The following FAM20A variants were observed in gnomAD, a reference collection of about 807,000 sequenced individuals.
FAM20A encodes FAM20A golgi associated secretory pathway pseudokinase, also known as pseudokinase FAM20A.
FAM20A carries 42 observed loss-of-function variants against 52.0 expected under a neutral mutation model. The ratio of observed to expected loss-of-function variants is 0.81; its 90% CI spans 0.63 to 1.04. FAM20A has a LOEUF of 1.04. Among genes scored for constraint, FAM20A ranks in the 50% least tolerant of loss-of-function variants. FAM20A has a pLI of 0.00. For synonymous variants in FAM20A, 304 were observed against 298.9 expected (o/e 1.02, Z -0.18); for missense variants, 742 against 712.7 (o/e 1.04, Z -0.47).
In FAM20A at chr17:68,575,830, ACAT is replaced by A. The variant is rs1435580178; in HGVS notation, c.405-20090_405-20088del. 3.5e-5 allele frequency among the ~76,000 whole-genome samples: 5 copies of A among 142,326 alleles called. No individual in the cohort carries two copies. In the South Asian group the frequency reaches 1.2e-3, roughly 34 times the overall value. The allele number at this position is 142,326 out of a possible 152,430, so 93.4% of individuals were successfully genotyped here. On this transcript the variant is annotated intron_variant, in intron 1 of 10. Transcript: ENST00000592554. ...CACACACACACACACACACACACAC[ACAT>A]AATCAGCCATTGGCAGTTACAGCTG...
At chr17:68,541,678 C>T (rs574962230) in intron 7 of FAM20A, 6 of 277,638 alleles carry the variant, frequency 2.2e-5, no homozygotes, top group South Asian at 2.1e-4. Context: ...GCTGTGTTTT[C>T]GTGATCTGGC....
In FAM20A at chr17:68,600,624, G is replaced by A. The variant is rs372862593; in HGVS notation, c.43C>T (p.Leu15=). The A allele has an allele frequency of 2.3e-4, 365 of 1,561,486 alleles. No homozygotes were observed. Among genetic ancestry groups the A allele is most frequent in the Non-Finnish European group, 2.8e-4 (320 of 1,158,552 alleles). ...AGGTCGGCGGAGAGCAGCGCGCCCA[G>A]CAGCAGCAGAGTCAGTAGGCGGTCC... ...RRDRLLTLLL[L]GALLSADLYF... The change falls in exon 1 of 11, where the codon CTG becomes TTG. Residue 15 remains leucine (L), a synonymous_variant. Transcript: ENST00000592554. The surrounding 1 kb of genome is among the most constrained non-coding windows in gnomAD (Gnocchi z 6.2).
At chr17:68,571,968 A>G (rs1462528255) in intron 1 of FAM20A, among the ~76,000 whole-genome samples, 3 of 127,428 alleles carry the variant, frequency 2.4e-5, no homozygotes, top group South Asian at 3.4e-4. Flanking sequence ...GTGTATATAT[A>G]TGTGTGTGTA....
chr17:68,572,020 A>ATATC lies in FAM20A; in HGVS notation c.405-16278_405-16277insGATA, dbSNP rs1568762596. ...TATATATATATATATATATATATATATATATATATATATATATATATGTAG... is the reference window on the plus strand; with the variant it reads ...TATATATATATATATATATATATATATATCTATATATATATATATATATATGTAG... On this transcript the variant is annotated intron_variant, in intron 1 of 10. Transcript: ENST00000592554. 5.7e-4 allele frequency among the ~76,000 whole-genome samples: 65 copies of ATATC among 113,354 alleles called. 2 individuals are homozygous for ATATC. The highest frequency in any genetic ancestry group is 2.3e-3 in the African/African-American group (65 of 28,648). 74.4% of individuals were successfully genotyped at this position (113,354 alleles called of 152,430 possible). A position where few individuals can be genotyped will look rare whatever the true frequency, so the allele number is the denominator to read the frequency against.
At chr17:68,554,739 G>C (rs1462245115) in intron 3 of FAM20A, 38 bp downstream of exon 3, 7 of 1,601,526 alleles carry the variant, frequency 4.4e-6, no homozygotes, top group Non-Finnish European at 6.0e-6. Context: ...AGCTGTGAGG[G>C]TGAAGAGGCT....
At position 68,536,462 on chromosome 17, in the gene FAM20A, CCTA is replaced by C. The variant is rs1320677617; in HGVS notation, c.*1012_*1014del. 2.2e-6 allele frequency: 1 copy of C among 454,040 alleles called. No homozygotes were observed. The highest frequency in any genetic ancestry group is 1.6e-5 in the South Asian group (1 of 64,462). The allele number at this position is 454,040 out of a possible 1,614,324, so 28.1% of individuals were successfully genotyped here. A position where few individuals can be genotyped will look rare whatever the true frequency, so the allele number is the denominator to read the frequency against. On this transcript the variant is annotated 3_prime_UTR_variant, in exon 11 of 11. Coordinates refer to ENST00000592554, the MANE Select transcript of FAM20A (RefSeq NM_017565.4). The stretch of plus-strand genomic sequence containing the variant: ...GAGAAGGTAGAGGAGACAAGGAATC[CCTA>C]CTACACTTTCTTCTAAGGGAGGCTT...
intron 5 of FAM20A, 114 bp from the exon 6 acceptor site, chr17:68,542,923 C>T: frequency 1.3e-6 from 1 of 799,858 alleles, no homozygotes; most frequent in East Asian, 2.6e-5. Context: ...AGGAGGGTGG[C>T]CGGTGAGGCG....
In FAM20A at chr17:68,537,844, G is replaced by T. The variant is rs1399929102; in HGVS notation, c.1362-103C>A. The stretch of plus-strand genomic sequence containing the variant: ...AGCTGTTGTAGCTGATACTCTTGGC[G>T]CCTCTCCTTGTGTCTTCTCAGGCAC... On this transcript the variant is annotated intron_variant, in intron 10 of 10. Transcript: ENST00000592554. This position sits in a 1 kb window ranked among gnomAD's most constrained non-coding sequence, Gnocchi z 4.2. 2.3e-6 allele frequency: 3 copies of T among 1,295,032 alleles called. No individual in the cohort carries two copies. Among genetic ancestry groups the T allele is most frequent in the Non-Finnish European group, 3.2e-6 (3 of 924,798 alleles). 80.2% of individuals were successfully genotyped at this position (1,295,032 alleles called of 1,614,324 possible).
At chr17:68,595,543 G>C (rs1402168810) in intron 1 of FAM20A, among the ~76,000 whole-genome samples, 1 of 152,194 alleles carries the variant, frequency 6.6e-6, no homozygotes, top group East Asian at 1.9e-4. Flanking sequence ...GGAGAAATGG[G>C]AAATGGAAGT....
chr17:68,569,308 C>T (rs1198519304), intron 1 of FAM20A, among the ~76,000 whole-genome samples: 1 of 152,140 alleles, frequency 6.6e-6, no homozygotes. Context: ...TCTGTCCACC[C>T]CTCTTCTCTA....
At position 68,600,857 on chromosome 17, in the gene FAM20A, A is replaced by C. The variant is rs2088605969; in HGVS notation, c.-191T>G. ...GCTCCTCAACTTGGGGACCAGGTGC[A>C]CGGAGCACCGGGGCTCTCGGAGTCA... is the stretch of plus-strand genomic sequence containing the variant. On this transcript the variant is annotated 5_prime_UTR_variant, in exon 1 of 11. Coordinates refer to ENST00000592554, the MANE Select transcript of FAM20A (RefSeq NM_017565.4). The surrounding 1 kb of genome is among the most constrained non-coding windows in gnomAD (Gnocchi z 6.2). 6 of 582,874 alleles carry C rather than the reference A, an allele frequency of 1.0e-5. 1 individual carries two copies. The South Asian group carries it at 1.4e-4, about 13-fold the overall frequency. The allele number at this position is 582,874 out of a possible 1,614,324, so 36.1% of individuals were successfully genotyped here. A position where few individuals can be genotyped will look rare whatever the true frequency, so the allele number is the denominator to read the frequency against.
intron 1 of FAM20A, among the ~76,000 whole-genome samples, chr17:68,579,288 T>C (rs1282860352): frequency 6.6e-6 from 1 of 152,206 alleles, no homozygotes; most frequent in South Asian, 2.1e-4. Context: ...TTGAACTTGA[T>C]GCAGAACCAA....
chr17:68,554,953 G>T (rs2087012333), intron 2 of FAM20A, 126 bp from the exon 3 acceptor site: 1 of 958,622 alleles, frequency 1.0e-6, no homozygotes, highest in Non-Finnish European at 1.7e-6. Flanking sequence ...TGGGGCCCTT[G>T]ACCACTCCGT....
chr17:68,559,004 C>A (rs554576172), intron 1 of FAM20A, among the ~76,000 whole-genome samples: 1 of 152,142 alleles, frequency 6.6e-6, no homozygotes, highest in Admixed American at 6.5e-5. Context: ...GTGATCCGCC[C>A]GCCTTGACCA....
chr17:68,547,284 T>A (rs1352657383), intron 4 of FAM20A, among the ~76,000 whole-genome samples: 1 of 152,198 alleles, frequency 6.6e-6, no homozygotes, highest in Non-Finnish European at 1.5e-5. Context: ...ATTATTTTTT[T>A]ATTATACTTT....
intron 3 of FAM20A, among the ~76,000 whole-genome samples, chr17:68,554,109 C>T (rs1036223257): frequency 3.5e-5 from 5 of 144,792 alleles, no homozygotes; most frequent in African/African-American, 1.4e-4. Context: ...TATATATACA[C>T]ATATATGTAT....
chr17:68,555,828 C>T lies in FAM20A; in HGVS notation c.405-85G>A, dbSNP rs1243339797. 2.8e-6 allele frequency: 4 copies of T among 1,450,246 alleles called. No homozygotes were observed. In the East Asian group the frequency reaches 9.1e-5, roughly 33 times the overall value. 89.8% of individuals were successfully genotyped at this position (1,450,246 alleles called of 1,614,324 possible). ...CCTTGTCTGCAGTTTTTTATTCATC[C>T]TTTCATTTATTCCACAAGTGTATTA... On this transcript the variant is annotated intron_variant, in intron 1 of 10. Transcript: ENST00000592554.
At chr17:68,543,591 C>G (rs759648622) in intron 5 of FAM20A, 38 bp downstream of exon 5, 8 of 1,585,638 alleles carry the variant, frequency 5.0e-6, no homozygotes, top group Non-Finnish European at 6.9e-6. Context: ...AGGATTGGTC[C>G]TTATAGGCAA....
intron 1 of FAM20A, among the ~76,000 whole-genome samples, chr17:68,584,118 AC>A (rs1391276367): frequency 1.3e-5 from 2 of 151,888 alleles, no homozygotes; most frequent in Non-Finnish European, 2.9e-5. Flanking sequence ...GGAGTTTGAG[AC>A]TAGCGTGACC....
Sources: gnomAD v4.1 joint callset for allele counts (sites outside exome capture counted in the v4.1 genomes callset) on GRCh38, gnomAD v4.1.1 for gene constraint, Gnocchi (gnomAD v3.1) non-coding constraint, MANE v1.5 for transcripts, NCBI Gene and HGNC (gene_info 2026-07-23, HGNC 2026-07-21) for gene names.